Variants in PLD5 observed in about 807,000 individuals in gnomAD.
The protein encoded by PLD5 is inactive phospholipase D5.
In PLD5, 36 loss-of-function variants were observed where a neutral mutation model predicts 61.1. The ratio of observed to expected loss-of-function variants is 0.59; its 90% CI spans 0.45 to 0.78. PLD5 has a LOEUF of 0.78. Ranked by LOEUF, PLD5 falls within the 30% of genes least tolerant of loss-of-function variation. The pLI is 0.00. For synonymous variants in PLD5, 243 were observed against 242.8 expected (o/e 1.00, Z -0.01); for missense variants, 515 against 644.4 (o/e 0.80, Z 2.17).
chr1:242,442,489 C>T (rs1211879664), intron 1 of PLD5, among the ~76,000 whole-genome samples: 1 of 152,126 alleles, frequency 6.6e-6, no homozygotes, highest in Admixed American at 6.5e-5. Flanking sequence ...GTATTTAAAG[C>T]TTAAAAATAA....
intron 4 of PLD5, among the ~76,000 whole-genome samples, chr1:242,254,259 A>T (rs1672884182): frequency 6.6e-6 from 1 of 151,170 alleles, no homozygotes; most frequent in African/African-American, 2.4e-5. Flanking sequence ...GTTCGTTATG[A>T]GGTAGGCACC....
rs146271078 is a variant in PLD5, at chr1:242,354,391, T to C, written c.190-6149A>G. Among the ~76,000 whole-genome samples the C allele has an allele frequency of 7.2e-3, 1,093 of 152,288 alleles. 5 individuals are homozygous for C. Among genetic ancestry groups the C allele is most frequent in the Middle Eastern group, 0.014 (4 of 294 alleles). ...TATAAATAAAGTTGCCAAGATCCCT[T>C]GTGATGCCAACCCTGGGCACGTGGC... On this transcript the variant is annotated intron_variant, in intron 1 of 9. Transcript: ENST00000536534.
At chr1:242,124,923 C>T (rs1662668819) in intron 5 of PLD5, among the ~76,000 whole-genome samples, 1 of 152,104 alleles carries the variant, frequency 6.6e-6, no homozygotes, top group African/African-American at 2.4e-5. Flanking sequence ...TTCATCTATA[C>T]TTTTCACATC....
chr1:242,133,281 T>C (rs1663447191), intron 5 of PLD5, among the ~76,000 whole-genome samples: 1 of 152,112 alleles, frequency 6.6e-6, no homozygotes, highest in Non-Finnish European at 1.5e-5. Context: ...AGGCAACCAA[T>C]CAGACTGGTT....
chr1:242,492,266 C>T (rs763424803), intron 1 of PLD5, among the ~76,000 whole-genome samples: 2 of 151,972 alleles, frequency 1.3e-5, no homozygotes, highest in Non-Finnish European at 2.9e-5. Flanking sequence ...AATCCCAGCA[C>T]CTTGGGAGGT....
chr1:242,269,377 C>T (rs571821984), intron 3 of PLD5, among the ~76,000 whole-genome samples: 5 of 151,570 alleles, frequency 3.3e-5, no homozygotes, highest in African/African-American at 1.2e-4. Context: ...AGCTGTACCC[C>T]CAAAATAGAG....
intron 1 of PLD5, among the ~76,000 whole-genome samples, chr1:242,452,458 T>C (rs933446332): frequency 6.6e-6 from 1 of 151,984 alleles, no homozygotes; most frequent in African/African-American, 2.4e-5. Context: ...TTCTGGAGAG[T>C]GAGAAGCAGG....
In PLD5 at chr1:242,097,668, T is replaced by G. The variant is rs1025788891; in HGVS notation, c.1354+3000A>C. ...TTAGCCCTTTGTCAGATGAGTAGAT[T>G]GCAAAAATTTTCTCCCATTCTGTAG... On this transcript the variant is annotated intron_variant, in intron 9 of 9. Transcript: ENST00000536534. Among the ~76,000 whole-genome samples, 179 of 152,216 alleles carry G rather than the reference T, an allele frequency of 1.2e-3. 1 individual carries two copies. Among genetic ancestry groups the G allele is most frequent in the Non-Finnish European group, 2.2e-3 (150 of 68,024 alleles).
intron 5 of PLD5, among the ~76,000 whole-genome samples, chr1:242,140,349 G>C (rs1034751343): frequency 1.2e-4 from 18 of 152,162 alleles, no homozygotes; most frequent in Admixed American, 9.2e-4. Flanking sequence ...GCTATGTAAG[G>C]GATACTTTCT....
At chr1:242,339,231 C>G (rs1473960445) in intron 2 of PLD5, among the ~76,000 whole-genome samples, 7 of 152,006 alleles carry the variant, frequency 4.6e-5, no homozygotes, top group Non-Finnish European at 7.4e-5. Flanking sequence ...ATCCGCTCAG[C>G]CAGGTGTGAG....
intron 1 of PLD5, among the ~76,000 whole-genome samples, chr1:242,389,260 C>T (rs1446998560): frequency 6.6e-6 from 1 of 152,066 alleles, no homozygotes; most frequent in Non-Finnish European, 1.5e-5. Context: ...ATTTATAAAT[C>T]TTAAATGCTA....
At chr1:242,480,378 C>A (rs1473822403) in intron 1 of PLD5, among the ~76,000 whole-genome samples, 1 of 152,074 alleles carries the variant, frequency 6.6e-6, no homozygotes, top group Non-Finnish European at 1.5e-5. Context: ...TTACAGACTT[C>A]AATCGAAGAG....
intron 1 of PLD5, among the ~76,000 whole-genome samples, chr1:242,506,954 G>A (rs1668743530): frequency 1.3e-5 from 2 of 152,144 alleles, no homozygotes; most frequent in South Asian, 4.1e-4. Context: ...GATCACAGCG[G>A]GAGCCACCAC....
intron 1 of PLD5, among the ~76,000 whole-genome samples, chr1:242,454,563 G>GA (rs1666889244): frequency 6.6e-6 from 1 of 152,118 alleles, no homozygotes; most frequent in Non-Finnish European, 1.5e-5. Flanking sequence ...TTGCATATAT[G>GA]AAAAGAGACA....
intron 1 of PLD5, among the ~76,000 whole-genome samples, chr1:242,409,821 A>C (rs1229458990): frequency 6.6e-6 from 1 of 152,152 alleles, no homozygotes; most frequent in East Asian, 1.9e-4. Context: ...ACACCTGGGG[A>C]TATGTGGGGG....
At chr1:242,195,104 G>A (rs1668555054) in intron 5 of PLD5, among the ~76,000 whole-genome samples, 1 of 152,226 alleles carries the variant, frequency 6.6e-6, no homozygotes. Context: ...AACAATGGAA[G>A]GGTTGGAGGC....
chr1:242,277,565 T>C (rs1674479514), intron 3 of PLD5, among the ~76,000 whole-genome samples: 1 of 148,546 alleles, frequency 6.7e-6, no homozygotes, highest in African/African-American at 2.5e-5. Context: ...GGGAAATAGT[T>C]ATATTAACTT....
chr1:242,362,110 T>G (rs527924519), intron 1 of PLD5, among the ~76,000 whole-genome samples: 1 of 152,242 alleles, frequency 6.6e-6, no homozygotes, highest in South Asian at 2.1e-4. Context: ...TATTTTTCAT[T>G]TATTTACCAT....
At chr1:242,192,711 G>A (rs2148933158) in intron 5 of PLD5, among the ~76,000 whole-genome samples, 1 of 152,288 alleles carries the variant, frequency 6.6e-6, no homozygotes. Flanking sequence ...ATGATTAGGT[G>A]GGTTTCCTGA....
Sources: gnomAD v4.1 joint callset for allele counts (sites outside exome capture counted in the v4.1 genomes callset) on GRCh38, gnomAD v4.1.1 for gene constraint, MANE v1.5 for transcripts, NCBI Gene and HGNC (gene_info 2026-07-23, HGNC 2026-07-21) for gene names.